Variants in COG4 observed in about 807,000 individuals in gnomAD.
COG4 encodes the protein component of oligomeric golgi complex 4.
A neutral mutation model predicts 95.1 loss-of-function variants in COG4; 65 were observed. The ratio of observed to expected loss-of-function variants is 0.68; its 90% CI spans 0.56 to 0.84. The LOEUF is 0.84. COG4 is among the 40% of genes least tolerant of loss of function. The pLI, the probability that COG4 is intolerant of heterozygous loss-of-function variation, is 0.00. For missense variants in COG4, 1,045 were observed against 989.1 expected, an observed-to-expected ratio of 1.06 and a Z score of -0.76; for synonymous variants, 421 against 374.8, an observed-to-expected ratio of 1.12 and a Z score of -1.42.
At chr16:70,522,077 A>G (rs1374357572) in intron 1 of COG4, among the ~76,000 whole-genome samples, 1 of 148,200 alleles carries the variant, frequency 6.7e-6, no homozygotes. Flanking sequence ...GGTTCACTGC[A>G]ACCTCCGCCT....
intron 5 of COG4, 90 bp downstream of exon 5, chr16:70,512,149 A>G (rs1375973178): frequency 1.6e-6 from 2 of 1,218,354 alleles, no homozygotes; most frequent in Non-Finnish European, 1.2e-6. Flanking sequence ...CAGAAGAGAG[A>G]AAGTATCCAC....
At chr16:70,521,001 C>T (rs1428431057) in intron 1 of COG4, among the ~76,000 whole-genome samples, 1 of 152,142 alleles carries the variant, frequency 6.6e-6, no homozygotes, top group Non-Finnish European at 1.5e-5. Flanking sequence ...GCTCTTCCTA[C>T]CCCAGCCCCC....
intron 1 of COG4, among the ~76,000 whole-genome samples, chr16:70,520,590 C>T (rs1054920362): frequency 6.6e-6 from 1 of 151,450 alleles, no homozygotes; most frequent in East Asian, 1.9e-4. Context: ...CGAGATCGTG[C>T]CATTTCACTC....
At chr16:70,523,063 T>C in intron 1 of COG4, 2 of 389,270 alleles carry the variant, frequency 5.1e-6, no homozygotes, top group Admixed American at 8.3e-5. Flanking sequence ...AACCAAGCAA[T>C]TTGGCAAATA....
intron 12 of COG4, among the ~76,000 whole-genome samples, chr16:70,492,261 A>C (rs2151746099): frequency 6.6e-6 from 1 of 152,294 alleles, no homozygotes; most frequent in African/African-American, 2.4e-5. Context: ...ATAATAAACA[A>C]ATAAACTAAA....
chr16:70,520,506 C>T (rs985545352), intron 1 of COG4, among the ~76,000 whole-genome samples: 9 of 151,340 alleles, frequency 5.9e-5, no homozygotes, highest in Admixed American at 2.0e-4. Context: ...GTGGCGGGGG[C>T]CTGTAATCCC....
chr16:70,491,202 A>C (rs1199320359), intron 12 of COG4, among the ~76,000 whole-genome samples: 1 of 152,086 alleles, frequency 6.6e-6, no homozygotes, highest in East Asian at 1.9e-4. Context: ...GCACGGGAGG[A>C]AATGAGACTC....
At chr16:70,495,401 A>AC (rs1001460282) in intron 12 of COG4, among the ~76,000 whole-genome samples, 2 of 151,076 alleles carry the variant, frequency 1.3e-5, no homozygotes, top group African/African-American at 4.9e-5. Context: ...CCATCTCAAA[A>AC]AAAAAAAAAA....
intron 12 of COG4, among the ~76,000 whole-genome samples, chr16:70,493,118 T>C (rs867771848): frequency 4.3e-4 from 66 of 152,284 alleles, no homozygotes; most frequent in African/African-American, 6.5e-4. Flanking sequence ...AACATAATTC[T>C]GACAGGAGAT....
Position 70,519,695 on chromosome 16 carries a change from G to A in COG4, c.208C>T (p.Gln70Ter). 1 of 1,613,886 alleles carries A rather than the reference G, an allele frequency of 6.2e-7. No homozygotes were observed. Among genetic ancestry groups the A allele is most frequent in the Non-Finnish European group, 8.5e-7 (1 of 1,179,890 alleles). The change falls in exon 2 of 19, where the codon CAG becomes TAG. Residue 70 changes from glutamine to a stop codon, truncating the protein, a stop_gained. Coordinates refer to ENST00000323786, the MANE Select transcript of COG4 (RefSeq NM_015386.3). LOFTEE classifies it high-confidence loss of function. ...ATCTTACTTTCAATGGTGTTTTGCT[G>A]TTCCAAAAGAGCATCCAGCTCTCTC... ...VERELDALLE[Q>*]QNTIESKMVT...
At chr16:70,506,340 T>G (rs1348678108) in intron 8 of COG4, among the ~76,000 whole-genome samples, 2 of 151,704 alleles carry the variant, frequency 1.3e-5, no homozygotes, top group Non-Finnish European at 2.9e-5. Flanking sequence ...GAGGCGGAGC[T>G]TGCAGGGAGC....
At chr16:70,489,548 T>C (rs1347741877) in intron 13 of COG4, among the ~76,000 whole-genome samples, 13 of 151,526 alleles carry the variant, frequency 8.6e-5, no homozygotes, top group South Asian at 8.4e-4. Flanking sequence ...AAAAAGTTTT[T>C]TTTTTTTTTG....
Position 70,480,634 on chromosome 16 carries a change from A to C in COG4, c.*376T>G, listed in dbSNP as rs2048968700. The C allele has an allele frequency of 3.4e-6, 1 of 290,252 alleles. No individual in the cohort carries two copies. The highest frequency in any genetic ancestry group is 3.8e-5 in the South Asian group (1 of 26,258). 18.0% of individuals were successfully genotyped at this position (290,252 alleles called of 1,614,324 possible). On this transcript the variant is annotated 3_prime_UTR_variant, in exon 19 of 19. Coordinates refer to ENST00000323786, the MANE Select transcript of COG4 (RefSeq NM_015386.3). ...ACAGCCTCTCCTCAAAGTCAAGCCT[A>C]ACTGCTAGGTCCCCAGATGTACCCA...
chr16:70,500,220 T>C (rs1256474665), intron 9 of COG4, among the ~76,000 whole-genome samples: 1 of 152,102 alleles, frequency 6.6e-6, no homozygotes, highest in Non-Finnish European at 1.5e-5. Flanking sequence ...TTCTCCTGCC[T>C]CAGCCTCCCA....
intron 8 of COG4, among the ~76,000 whole-genome samples, chr16:70,505,259 ACG>A: frequency 6.9e-6 from 1 of 143,968 alleles, no homozygotes; most frequent in East Asian, 2.1e-4. Context: ...GTGCAGTGGC[ACG>A]ATATTGGCTC....
intron 1 of COG4, among the ~76,000 whole-genome samples, chr16:70,520,312 G>A (rs541294416): frequency 2.0e-5 from 3 of 148,476 alleles, no homozygotes; most frequent in South Asian, 4.3e-4. Flanking sequence ...GTGTGGTGGC[G>A]GGCGCCTGTA....
chr16:70,488,335 T>C (rs1379782119), intron 13 of COG4, among the ~76,000 whole-genome samples: 1 of 151,962 alleles, frequency 6.6e-6, no homozygotes, highest in African/African-American at 2.4e-5. Context: ...GACTTCACCA[T>C]CTTGGCCAGG....
chr16:70,498,550 C>T (rs111317782), intron 9 of COG4, among the ~76,000 whole-genome samples: 6,222 of 152,178 alleles, frequency 0.041, 453 homozygotes, highest in African/African-American at 0.14. Context: ...GTCTTGAACT[C>T]CTGACCTTAG....
chr16:70,497,198 A>G lies in COG4; in HGVS notation c.1481+23T>C, dbSNP rs376862549. On this transcript the variant is annotated intron_variant, in intron 11 of 18. Transcript: ENST00000323786. ...ACAGGAAGGGCCTTTCTGCCTAGAA[A>G]GGAGAAAGGGAGTCAACTGTACCTG... 74 of 1,611,976 alleles carry G rather than the reference A, an allele frequency of 4.6e-5. No individual in the cohort carries two copies. The African/African-American group carries it at 9.6e-4, about 21-fold the overall frequency.
Sources: allele counts gnomAD v4.1 joint callset (sites outside exome capture counted in the v4.1 genomes callset), GRCh38; gene constraint gnomAD v4.1.1; transcripts MANE v1.5; gene names NCBI Gene and HGNC (gene_info 2026-07-23, HGNC 2026-07-21).